The following SMS variants were observed in gnomAD, a reference collection of about 807,000 sequenced individuals.
SMS encodes spermidine aminopropyltransferase.
A neutral mutation model predicts 33.0 loss-of-function variants in SMS; 3 were observed. That is an observed-to-expected ratio of 0.09 (90% confidence interval 0.04 to 0.23). The LOEUF is 0.23. SMS is among the 10% of genes least tolerant of loss of function. The probability of loss-of-function intolerance (pLI) is 1.00; values close to 1 mark genes in which losing one functional copy is unlikely to be tolerated. For synonymous variants in SMS, 103 were observed against 112.2 expected (o/e 0.92, Z 0.52); for missense variants, 117 against 288.6 (o/e 0.41, Z 4.31).
chrX:21,984,242 T>C, intron 7 of SMS, 62 bp from the exon 8 acceptor site: 2 of 730,172 alleles, frequency 2.7e-6, no homozygotes, highest in Non-Finnish European at 4.4e-6. Context: ...CCTTTACTAT[T>C]GTTTTTTGTT....
intron 7 of SMS, among the ~76,000 whole-genome samples, chrX:21,984,102 A>T (rs761408334): frequency 9.8e-5 from 11 of 112,056 alleles, no homozygotes; most frequent in Non-Finnish European, 1.5e-4. Flanking sequence ...ATGAGAAGGC[A>T]TATAAAGCAT....
chrX:21,947,207 CATT>C (rs1032910847), intron 1 of SMS, among the ~76,000 whole-genome samples: 5 of 111,998 alleles, frequency 4.5e-5, no homozygotes, highest in African/African-American at 1.6e-4. Context: ...GCTCCTTCAG[CATT>C]ATTATCCTGT....
At chrX:21,974,457 C>T (rs1179267959) in intron 4 of SMS, among the ~76,000 whole-genome samples, 1 of 111,821 alleles carries the variant, frequency 8.9e-6, no homozygotes, top group African/African-American at 3.3e-5. Flanking sequence ...ATACCCATAC[C>T]ACTTTTTGGA....
chrX:21,982,279 A>G (rs1602216902), intron 7 of SMS, among the ~76,000 whole-genome samples: 1 of 105,270 alleles, frequency 9.5e-6, no homozygotes, highest in East Asian at 3.0e-4. Flanking sequence ...CAGAGCTTGC[A>G]GTGAGCCCAG....
At chrX:21,969,502 G>A (rs143526218) in intron 2 of SMS, among the ~76,000 whole-genome samples, 1 of 111,744 alleles carries the variant, frequency 8.9e-6, no homozygotes, top group Non-Finnish European at 1.9e-5. Context: ...GCCTCTCACT[G>A]TTTTTACTGT....
rs1385502773 is a variant in SMS, at chrX:21,964,791, T to C, written c.50-2405T>C. Among the ~76,000 whole-genome samples, 5 of 112,241 alleles carry C rather than the reference T, an allele frequency of 4.5e-5. No homozygotes were observed. In the South Asian group the frequency reaches 1.8e-3, roughly 42 times the overall value. On this transcript the variant is annotated intron_variant, in intron 1 of 10. Transcript: ENST00000404933. ...ACTTTTAGTATTCTGTTTGCTATTGTTAAAGTTGAAAACGAATTTTGGGCA... is the reference window on the plus strand; with the variant it reads ...ACTTTTAGTATTCTGTTTGCTATTGCTAAAGTTGAAAACGAATTTTGGGCA...
intron 1 of SMS, among the ~76,000 whole-genome samples, chrX:21,943,142 G>C (rs187942185): frequency 9.0e-6 from 1 of 111,656 alleles, no homozygotes; most frequent in Non-Finnish European, 1.9e-5. Context: ...CCACCGTGCC[G>C]GTGTGTCCAT....
At chrX:21,979,757 T>G (rs1243121194) in intron 7 of SMS, among the ~76,000 whole-genome samples, 3 of 110,253 alleles carry the variant, frequency 2.7e-5, no homozygotes, top group Admixed American at 9.7e-5. Context: ...TTTCTAGTCC[T>G]AGATCCTTGA....
rs1337316450 is a variant in SMS at position 21,971,984 on chromosome X, C to G, written c.258C>G (p.Ile86Met). 8.5e-7 allele frequency: 1 copy of G among 1,173,127 alleles called. No individual in the cohort carries two copies. The change falls in exon 3 of 11, where the codon ATC becomes ATG. Residue 86 changes from isoleucine to methionine, a missense_variant. By Grantham distance (10) the Ile-to-Met change is conservative. This residue lies in a region of SMS where 25 missense variants were observed against 24.4 expected (regional missense o/e 1.03). Transcript: ENST00000404933. ...YDGDAQGKEE[I>M]DSILNKVEER... is the part of the protein sequence containing the mutation. ...GTGATGCGCAAGGCAAAGAAGAGAT[C>G]GACAGTGTCGGTTTTTCACTTTCAT...
At chrX:21,959,890 T>C in intron 1 of SMS, 1 of 752,737 alleles carries the variant, frequency 1.3e-6, no homozygotes, top group Non-Finnish European at 1.6e-6. Flanking sequence ...TCGCACACCA[T>C]CTTCCCGTGG....
chrX:21,993,727 C>G (rs1353500812), intron 10 of SMS, among the ~76,000 whole-genome samples: 2 of 112,727 alleles, frequency 1.8e-5, no homozygotes, highest in African/African-American at 3.2e-5. Flanking sequence ...CTCCTACCAA[C>G]TGTCCACCTT....
intron 1 of SMS, among the ~76,000 whole-genome samples, chrX:21,942,645 C>T (rs1325589948): frequency 6.3e-5 from 7 of 110,441 alleles, no homozygotes; most frequent in Non-Finnish European, 1.3e-4. Context: ...GCCAAGGTTT[C>T]ATTAATAACC....
chrX:21,978,157 T>C (rs1055776719), intron 6 of SMS, 43 bp downstream of exon 6: 2 of 1,138,780 alleles, frequency 1.8e-6, no homozygotes, highest in Admixed American at 2.2e-5. Flanking sequence ...TGGGCTTCTT[T>C]TGTTTCCTTC....
intron 2 of SMS, among the ~76,000 whole-genome samples, chrX:21,971,326 G>T: frequency 9.1e-6 from 1 of 110,490 alleles, no homozygotes; most frequent in Non-Finnish European, 1.9e-5. Context: ...TTTGTGTAAA[G>T]GTTGCTGTCA....
chrX:21,948,439 C>CTTTTT lies in SMS; in HGVS notation c.49+7579_49+7583dup, dbSNP rs59082770. Reference sequence around the variant, plus strand: ...AATAACCAGTAGTCAGTCAATGTGTCTTTTTTTTTTTTTTTTTAAGAAAGT... The same window carrying CTTTTT: ...AATAACCAGTAGTCAGTCAATGTGTCTTTTTTTTTTTTTTTTTTTTTTAAGAAAGT... On this transcript the variant is annotated intron_variant, in intron 1 of 10. Coordinates refer to ENST00000404933, the MANE Select transcript of SMS (RefSeq NM_004595.5). 1.4e-3 allele frequency among the ~76,000 whole-genome samples: 109 copies of CTTTTT among 80,191 alleles called. 2 individuals are homozygous for CTTTTT. Among genetic ancestry groups the CTTTTT allele is most frequent in the African/African-American group, 4.5e-3 (86 of 19,011 alleles). 69.6% of individuals were successfully genotyped at this position (80,191 alleles called of 115,157 possible).
At chrX:21,948,237 G>A (rs925276840) in intron 1 of SMS, among the ~76,000 whole-genome samples, 1 of 111,166 alleles carries the variant, frequency 9.0e-6, no homozygotes, top group African/African-American at 3.3e-5. Flanking sequence ...CTTCATATCT[G>A]TAATCCTCAT....
chrX:21,993,009 T>C (rs1426130729), intron 10 of SMS, among the ~76,000 whole-genome samples: 1 of 111,795 alleles, frequency 8.9e-6, no homozygotes, highest in African/African-American at 3.3e-5. Flanking sequence ...TTGCCAGACC[T>C]GCAGCATCGC....
chrX:21,977,656 T>C (rs1924621670), intron 5 of SMS, among the ~76,000 whole-genome samples: 1 of 111,621 alleles, frequency 9.0e-6, no homozygotes, highest in African/African-American at 3.3e-5. Context: ...TTGAAGCAGC[T>C]CACAGACATC....
chrX:21,956,952 C>T (rs1307330017), intron 1 of SMS, among the ~76,000 whole-genome samples: 2 of 111,623 alleles, frequency 1.8e-5, no homozygotes, highest in Non-Finnish European at 3.8e-5. Context: ...GTTAGGAAAG[C>T]TGTGTGGGAG....
Sources: gnomAD v4.1 joint callset for allele counts (sites outside exome capture counted in the v4.1 genomes callset) on GRCh38, gnomAD v4.1.1 for gene constraint, gnomAD v4.1.1 regional missense constraint, MANE v1.5 for transcripts, NCBI Gene and HGNC (gene_info 2026-07-23, HGNC 2026-07-21) for gene names.